DUSP16: variants seen among roughly 807,000 people sequenced by gnomAD.
DUSP16 encodes the protein dual specificity phosphatase 16.
In DUSP16, 21 loss-of-function variants were observed where a neutral mutation model predicts 58.3. The ratio of observed to expected loss-of-function variants is 0.36; its 90% CI spans 0.26 to 0.52. The LOEUF (loss-of-function observed/expected upper bound fraction) is 0.52. Among genes scored for constraint, DUSP16 ranks in the 20% least tolerant of loss-of-function variants. The pLI, the probability that DUSP16 is intolerant of heterozygous loss-of-function variation, is 0.94. For synonymous variants in DUSP16, 320 were observed against 323.8 expected (o/e 0.99, Z 0.12); for missense variants, 726 against 819.0 (o/e 0.89, Z 1.39).
chr12:12,532,135 G>A (rs572976367), intron 1 of DUSP16, among the ~76,000 whole-genome samples: 12 of 152,022 alleles, frequency 7.9e-5, no homozygotes, highest in East Asian at 3.9e-4. Context: ...TCCGCAGTCC[G>A]GCCTGGGCGA....
chr12:12,557,692 T>C (rs1196923278), intron 1 of DUSP16, among the ~76,000 whole-genome samples: 7 of 152,228 alleles, frequency 4.6e-5, no homozygotes, highest in African/African-American at 1.7e-4. Context: ...TCGACCCTGA[T>C]CATTACCTTT....
chr12:12,539,768 A>AC (rs1030054745), intron 1 of DUSP16, among the ~76,000 whole-genome samples: 4 of 145,946 alleles, frequency 2.7e-5, no homozygotes, highest in African/African-American at 9.9e-5. Context: ...AAAAAAAAAA[A>AC]GGCTGGGCAC....
intron 1 of DUSP16, among the ~76,000 whole-genome samples, chr12:12,542,388 G>GAAAAAAAAAAAAAAAAAAAAAAAAAA (rs56822339): frequency 9.1e-6 from 1 of 109,706 alleles, no homozygotes; most frequent in Non-Finnish European, 1.8e-5. Context: ...AAAGAAAAGA[G>GAAAAAAAAAAAAAAAAAAAAAAAAAA]AAAAAAAAAA....
chr12:12,538,179 T>C (rs1944498237), intron 1 of DUSP16, among the ~76,000 whole-genome samples: 1 of 152,208 alleles, frequency 6.6e-6, no homozygotes, highest in East Asian at 1.9e-4. Flanking sequence ...AAGACATCTA[T>C]CCTAAAGACA....
intron 3 of DUSP16, among the ~76,000 whole-genome samples, chr12:12,503,243 T>TTTTTTA (rs1943936292): frequency 7.6e-6 from 1 of 131,606 alleles, no homozygotes; most frequent in African/African-American, 2.6e-5. Context: ...TTTTTTTTTT[T>TTTTTTA]GAGACAGAGT....
intron 1 of DUSP16, among the ~76,000 whole-genome samples, chr12:12,553,591 G>A (rs969670304): frequency 1.3e-5 from 2 of 152,204 alleles, no homozygotes; most frequent in African/African-American, 4.8e-5. Context: ...TGCCCAGGCT[G>A]GAGTGCACTG....
At chr12:12,507,837 A>G (rs967135339) in intron 3 of DUSP16, among the ~76,000 whole-genome samples, 6 of 152,214 alleles carry the variant, frequency 3.9e-5, no homozygotes, top group African/African-American at 9.6e-5. Flanking sequence ...TCGAACTCCC[A>G]ACCTCAGGTG....
At chr12:12,529,779 C>T (rs188421765) in intron 1 of DUSP16, among the ~76,000 whole-genome samples, 3 of 152,310 alleles carry the variant, frequency 2.0e-5, no homozygotes, top group Admixed American at 2.0e-4. Flanking sequence ...AGTGAAATTA[C>T]ACAGTATTTG....
chr12:12,544,902 C>T (rs945639303), intron 1 of DUSP16, among the ~76,000 whole-genome samples: 2 of 152,126 alleles, frequency 1.3e-5, no homozygotes, highest in Non-Finnish European at 2.9e-5. Flanking sequence ...TTCCACATTG[C>T]TGTAAAGTGC....
At chr12:12,498,119 AG>A (rs1311444809) in intron 4 of DUSP16, among the ~76,000 whole-genome samples, 1 of 152,198 alleles carries the variant, frequency 6.6e-6, no homozygotes, top group African/African-American at 2.4e-5. Flanking sequence ...GGAGATCTTT[AG>A]GAAAAAAAGA....
chr12:12,555,854 C>T (rs979155226), intron 1 of DUSP16, among the ~76,000 whole-genome samples: 1 of 151,886 alleles, frequency 6.6e-6, no homozygotes, highest in African/African-American at 2.4e-5. Flanking sequence ...ACTAGCTGGG[C>T]AACATAGCAA....
At chr12:12,532,152 G>C (rs544158463) in intron 1 of DUSP16, among the ~76,000 whole-genome samples, 4 of 150,614 alleles carry the variant, frequency 2.7e-5, no homozygotes, top group African/African-American at 9.8e-5. Context: ...GCGACAGAGC[G>C]AGACTCCGTC....
rs376852745 is a variant in DUSP16, at chr12:12,480,285, G to C, written c.753C>G (p.Ser251=). ...LVHCLAGISR[S]ATIAIAYIMK... ...TGATGTAGGCGATAGCGATGGTGGC[G>C]GAGCGGGAGATCCCAGCTAAACAGT... The change falls in exon 6 of 7, where the codon TCC becomes TCG. Residue 251 remains serine, a synonymous_variant. Coordinates refer to ENST00000298573, the MANE Select transcript of DUSP16 (RefSeq NM_030640.3). The C allele has an allele frequency of 5.0e-6, 8 of 1,614,050 alleles. No individual in the cohort carries two copies. In the African/African-American group the frequency reaches 9.3e-5, roughly 19 times the overall value.
intron 1 of DUSP16, among the ~76,000 whole-genome samples, chr12:12,527,392 G>C (rs1944321915): frequency 6.6e-6 from 1 of 152,120 alleles, no homozygotes; most frequent in East Asian, 1.9e-4. Flanking sequence ...TATCTCATAA[G>C]CTGTGGGTTA....
rs1943478712 is a variant in DUSP16, at chr12:12,477,700, T to C, written c.1131A>G (p.Val377=). 2.5e-6 allele frequency: 4 copies of C among 1,613,398 alleles called. No individual in the cohort carries two copies. The highest frequency in any genetic ancestry group is 4.5e-5 in the East Asian group (2 of 44,848). ...QPSLLEDSPL[V]QALSGLHLSA... is the part of the protein sequence containing the mutation. Reference sequence around the variant, plus strand: ...ACAGGTGCAGCCCACTGAGCGCCTGTACCAGCGGGCTGTCCTCTAACAGCG... The same window carrying C: ...ACAGGTGCAGCCCACTGAGCGCCTGCACCAGCGGGCTGTCCTCTAACAGCG... The change falls in exon 7 of 7, where the codon GTA becomes GTG. Residue 377 remains valine (V), a synonymous_variant. Transcript: ENST00000298573. The surrounding 1 kb of genome is among the most constrained non-coding windows in gnomAD (Gnocchi z 4.1).
chr12:12,532,851 G>A (rs1367438255), intron 1 of DUSP16, among the ~76,000 whole-genome samples: 1 of 152,058 alleles, frequency 6.6e-6, no homozygotes, highest in African/African-American at 2.4e-5. Context: ...GGGAGGCTGA[G>A]GCAGCAGAAT....
Position 12,480,329 on chromosome 12 carries a change from T to C in DUSP16, c.709A>G (p.Asn237Asp), listed in dbSNP as rs769435110. The C allele has an allele frequency of 1.9e-6, 3 of 1,613,948 alleles. No individual in the cohort carries two copies. Among genetic ancestry groups the C allele is most frequent in the Admixed American group, 1.7e-5 (1 of 59,952 alleles). The change falls in exon 6 of 7, where the codon AAT becomes GAT. Residue 237 changes from asparagine (N) to aspartate (D), a missense_variant. Physicochemically the swap from Asn to Asp is conservative, Grantham distance 23. Transcript: ENST00000298573. ...AAACAGTGCACTAGAACACATCCATTGGAGGCTTTTGCTTTCTCTGTATAA... is the reference window on the plus strand; with the variant it reads ...AAACAGTGCACTAGAACACATCCATCGGAGGCTTTTGCTTTCTCTGTATAA... ...VDFIEKAKAS[N>D]GCVLVHCLAG...
At chr12:12,497,364 C>G (rs1025035898) in intron 4 of DUSP16, among the ~76,000 whole-genome samples, 3 of 152,088 alleles carry the variant, frequency 2.0e-5, no homozygotes. Context: ...TTCAGTCCTT[C>G]GTAACAGCCT....
intron 4 of DUSP16, among the ~76,000 whole-genome samples, chr12:12,489,316 T>C (rs1483904015): frequency 6.6e-6 from 1 of 152,172 alleles, no homozygotes; most frequent in Admixed American, 6.5e-5. Context: ...CCTTTAAACT[T>C]TTGTACATGT....
Sources: gnomAD v4.1 joint callset for allele counts (sites outside exome capture counted in the v4.1 genomes callset) on GRCh38, gnomAD v4.1.1 for gene constraint, Gnocchi (gnomAD v3.1) non-coding constraint, MANE v1.5 for transcripts, NCBI Gene and HGNC (gene_info 2026-07-23, HGNC 2026-07-21) for gene names.